LRP1: variants seen among roughly 807,000 people sequenced by gnomAD.
LRP1 encodes LDL receptor related protein 1, also known as prolow-density lipoprotein receptor-related protein 1.
In LRP1, 51 loss-of-function variants were observed where a neutral mutation model predicts 541.5. The observed-to-expected ratio is 0.09, with a 90% CI of 0.08 to 0.12. LRP1 has a LOEUF of 0.12. Among genes scored for constraint, LRP1 ranks in the 10% least tolerant of loss-of-function variants. LRP1 has a pLI of 1.00. For synonymous variants in LRP1, 2,219 were observed against 2,470.8 expected, an observed-to-expected ratio of 0.90 and a Z score of 3.02; for missense variants, 3,878 against 6,376.2, an observed-to-expected ratio of 0.61 and a Z score of 13.34.
At chr12:57,134,052 C>T (rs1055713627) in intron 1 of LRP1, among the ~76,000 whole-genome samples, 4 of 152,116 alleles carry the variant, frequency 2.6e-5, no homozygotes, top group African/African-American at 4.8e-5. Context: ...TGTGTCTGGA[C>T]GCACACCCAA....
In LRP1 at chr12:57,183,357, C is replaced by T; in HGVS notation, c.5663-22C>T. 1.9e-6 allele frequency: 3 copies of T among 1,591,246 alleles called. No individual in the cohort carries two copies. Among genetic ancestry groups the T allele is most frequent in the Non-Finnish European group, 2.6e-6 (3 of 1,161,812 alleles). ...AAGGGAGTGTTGGCGATACCCATGC[C>T]TTAAGTTTCCTTGTCTTTCAGGCGT... is the stretch of plus-strand genomic sequence containing the variant. On this transcript the variant is annotated intron_variant, in intron 34 of 88. Coordinates refer to ENST00000243077, the MANE Select transcript of LRP1 (RefSeq NM_002332.3). This position sits in a 1 kb window ranked among gnomAD's most constrained non-coding sequence, Gnocchi z 6.1.
rs1374519232 is a variant in LRP1, at chr12:57,197,664, G to T, written c.9282G>T (p.Gln3094His). 2 of 1,612,970 alleles carry T rather than the reference G, an allele frequency of 1.2e-6. No individual in the cohort carries two copies. Among genetic ancestry groups the T allele is most frequent in the South Asian group, 2.2e-5 (2 of 91,014 alleles). The part of the protein sequence containing the change: ...RRMHLNGSNV[Q>H]VLHRTGLSNP... ...TGCACCTTAACGGGAGCAATGTGCA[G>T]GTGAGGCGGGCGGCCCTCGGCGACC... Residue 3094 changes from glutamine to histidine, a missense_variant and splice_region_variant, in exon 58 of 89, where the codon CAG (glutamine) becomes CAT (histidine). By Grantham distance (24) the Gln-to-His change is conservative (BLOSUM62 0). Coordinates refer to ENST00000243077, the MANE Select transcript of LRP1 (RefSeq NM_002332.3). This position sits in a 1 kb window ranked among gnomAD's most constrained non-coding sequence, Gnocchi z 4.5.
At chr12:57,143,592 G>A in intron 3 of LRP1, 87 bp from the exon 4 acceptor site, 9 of 1,522,578 alleles carry the variant, frequency 5.9e-6, no homozygotes, top group Non-Finnish European at 8.0e-6. Context: ...GTTTCTGAAG[G>A]TTGACTGGGT....
chr12:57,129,914 CT>C (rs1281461525), intron 1 of LRP1, among the ~76,000 whole-genome samples: 1 of 152,078 alleles, frequency 6.6e-6, no homozygotes, highest in Non-Finnish European at 1.5e-5. Context: ...CCCCACACTC[CT>C]TTAGTAAATC....
chr12:57,210,254 G>A, intron 81 of LRP1, 53 bp from the exon 82 acceptor site: 19 of 1,547,340 alleles, frequency 1.2e-5, no homozygotes, highest in Non-Finnish European at 1.6e-5. Context: ...CTTGTTGCCT[G>A]TCCCTCTCCT....
At chr12:57,138,333 C>T in intron 1 of LRP1, 126 bp from the exon 2 acceptor site, 2 of 1,183,650 alleles carry the variant, frequency 1.7e-6, no homozygotes, top group Non-Finnish European at 2.4e-6. Flanking sequence ...GCACATAGAC[C>T]ATGGCTGAGG....
Position 57,206,804 on chromosome 12 carries a change from G to A in LRP1, c.11859+63G>A. On this transcript the variant is annotated intron_variant, in intron 76 of 88. Coordinates refer to ENST00000243077, the MANE Select transcript of LRP1 (RefSeq NM_002332.3). This position sits in a 1 kb window ranked among gnomAD's most constrained non-coding sequence, Gnocchi z 4.7. ...TCCATAGAGCAGGCGGTTCAGAGCAGGATTTGAAAAGGGCAGTGCTGGCTA... is the reference window on the plus strand; with the variant it reads ...TCCATAGAGCAGGCGGTTCAGAGCAAGATTTGAAAAGGGCAGTGCTGGCTA... The A allele has an allele frequency of 1.3e-6, 2 of 1,572,920 alleles. No individual in the cohort carries two copies. Among genetic ancestry groups the A allele is most frequent in the Admixed American group, 1.7e-5 (1 of 59,220 alleles).
At chr12:57,207,191 C>T (rs1329203455) in intron 76 of LRP1, among the ~76,000 whole-genome samples, 3 of 150,490 alleles carry the variant, frequency 2.0e-5, no homozygotes, top group Non-Finnish European at 4.4e-5. Flanking sequence ...TGCAGTGAGC[C>T]GAGATCGCGC....
chr12:57,209,610 A>AC (rs2036862906), intron 79 of LRP1, 82 bp from the exon 80 acceptor site: 7 of 1,216,234 alleles, frequency 5.8e-6, no homozygotes, highest in Non-Finnish European at 8.5e-6. Flanking sequence ...GTGTCTGGGA[A>AC]CCACAGGTGC....
rs773131700 is a variant in LRP1 at position 57,205,581 on chromosome 12, G to A, written c.11494G>A (p.Gly3832Ser). 39 of 1,613,818 alleles carry A rather than the reference G, an allele frequency of 2.4e-5. 1 individual carries two copies. In the South Asian group the frequency reaches 2.6e-4, roughly 11 times the overall value. The change falls in exon 75 of 89, where the codon GGC becomes AGC. Residue 3832 changes from glycine to serine, a missense_variant. Physicochemically the swap from Gly to Ser is moderately conservative, Grantham distance 56. Around this residue, in one of 13 missense-constraint regions of LRP1, gnomAD observed 871 missense variants for 1,212.4 expected, o/e 0.72. Transcript: ENST00000243077. This position sits in a 1 kb window ranked among gnomAD's most constrained non-coding sequence, Gnocchi z 4.6. The stretch of plus-strand genomic sequence containing the variant: ...AGACATCAACGAGTGCCTGCGCTTC[G>A]GCACCTGCTCCCAGCTCTGCAACAA... Reference protein sequence around the residue: ...CQDINECLRFGTCSQLCNNTK... With the variant: ...CQDINECLRFSTCSQLCNNTK...
At chr12:57,152,119 C>T (rs2136671778) in intron 6 of LRP1, among the ~76,000 whole-genome samples, 1 of 152,196 alleles carries the variant, frequency 6.6e-6, no homozygotes, top group East Asian at 1.9e-4. Context: ...ATCCAGGCCA[C>T]ATCCTGAGGC....
chr12:57,175,943 C>T lies in LRP1; in HGVS notation c.3828C>T (p.Arg1276=). The part of the protein sequence containing the change: ...PFKPFIIFSN[R]HEIRRIDLHK... ...AGCCGTTCATCATTTTCTCCAACCG[C>T]CATGAAATCCGGCGCATCGATCTTC... The change falls in exon 24 of 89, where the codon CGC becomes CGT. Residue 1276 remains arginine, a synonymous_variant. Transcript: ENST00000243077. 6.2e-7 allele frequency: 1 copy of T among 1,614,230 alleles called. No homozygotes were observed. Among genetic ancestry groups the T allele is most frequent in the Non-Finnish European group, 8.5e-7 (1 of 1,180,054 alleles).
In LRP1 at chr12:57,173,971, G is replaced by A. The variant is rs766913072; in HGVS notation, c.3538G>A (p.Glu1180Lys). The change falls in exon 22 of 89, where the codon GAG (glutamate) becomes AAG (lysine). Residue 1180 changes from glutamate (E) to lysine (K), a missense_variant. Physicochemically the swap from Glu to Lys is moderately conservative, Grantham distance 56. This residue lies in a region of LRP1 where 320 missense variants were observed against 547.9 expected (regional missense o/e 0.58). Transcript: ENST00000243077. This position sits in a 1 kb window ranked among gnomAD's most constrained non-coding sequence, Gnocchi z 4.7. ...DDCGDGSDEG[E>K]LCDQCSLNNG... ...CTGTGGCGACGGCTCAGATGAGGGCGAGCTCTGCGGTGAGGCCTGGTCCCA... is the reference window on the plus strand; with the variant it reads ...CTGTGGCGACGGCTCAGATGAGGGCAAGCTCTGCGGTGAGGCCTGGTCCCA... 6 of 1,613,974 alleles carry A rather than the reference G, an allele frequency of 3.7e-6. No homozygotes were observed. Among genetic ancestry groups the A allele is most frequent in the East Asian group, 4.5e-5 (2 of 44,892 alleles).
At chr12:57,199,183 G>A in intron 60 of LRP1, 29 bp from the exon 61 acceptor site, 2 of 1,604,538 alleles carry the variant, frequency 1.2e-6, no homozygotes. Flanking sequence ...CCGGCTGACT[G>A]GCACTGTGCC....
chr12:57,187,608 A>C, intron 42 of LRP1, 152 bp downstream of exon 42: 1 of 742,592 alleles, frequency 1.3e-6, no homozygotes, highest in Non-Finnish European at 2.1e-6. Flanking sequence ...AGAGGTGCAA[A>C]AGCTTCCTAA....
rs2136760059 is a variant in LRP1, at chr12:57,212,616, A to G, written c.*61A>G. 6.7e-7 allele frequency: 1 copy of G among 1,492,534 alleles called. No individual in the cohort carries two copies. The highest frequency in any genetic ancestry group is 9.0e-7 in the Non-Finnish European group (1 of 1,113,680). The allele number at this position is 1,492,534 out of a possible 1,614,324, so 92.5% of individuals were successfully genotyped here. ...CTGCCCCCTGCCAGTGAAGTCCTTC[A>G]GTGAGCCCCTCCCCAGCCAGCCCTT... On this transcript the variant is annotated 3_prime_UTR_variant, in exon 89 of 89. Transcript: ENST00000243077. This position sits in a 1 kb window ranked among gnomAD's most constrained non-coding sequence, Gnocchi z 5.0.
At chr12:57,163,145 T>C (rs35708937) in intron 15 of LRP1, among the ~76,000 whole-genome samples, 162 bp downstream of exon 15, 2 of 150,084 alleles carry the variant, frequency 1.3e-5, no homozygotes, top group Admixed American at 6.6e-5. Flanking sequence ...GCAAAGGCTC[T>C]GGGGGCTAGG....
intron 17 of LRP1, among the ~76,000 whole-genome samples, chr12:57,166,685 C>T (rs1324001869): frequency 6.6e-6 from 1 of 152,194 alleles, no homozygotes; most frequent in Non-Finnish European, 1.5e-5. Flanking sequence ...GGGGACAGAG[C>T]ATAGCTCTAG....
chr12:57,179,533 G>T lies in LRP1; in HGVS notation c.4943G>T (p.Gly1648Val), dbSNP rs753206313. The T allele has an allele frequency of 1.3e-5, 21 of 1,614,130 alleles. No individual in the cohort carries two copies. Among genetic ancestry groups the T allele is most frequent in the Admixed American group, 1.2e-4 (7 of 60,020 alleles). ...AAGCGGGCCTTCATCAACGGCACAG[G>T]CGTGGAGACAGTCGTCTCTGCAGGT... ...AIKRAFINGT[G>V]VETVVSADLP... The change falls in exon 29 of 89, where the codon GGC becomes GTC. Residue 1648 changes from glycine to valine, a missense_variant. Coordinates refer to ENST00000243077, the MANE Select transcript of LRP1 (RefSeq NM_002332.3). This position sits in a 1 kb window ranked among gnomAD's most constrained non-coding sequence, Gnocchi z 6.8.
Sources: allele counts gnomAD v4.1 joint callset (sites outside exome capture counted in the v4.1 genomes callset), GRCh38; gene constraint gnomAD v4.1.1; regional missense constraint gnomAD v4.1.1; non-coding constraint Gnocchi (gnomAD v3.1); transcripts MANE v1.5; gene names NCBI Gene and HGNC (gene_info 2026-07-23, HGNC 2026-07-21).